ENTREP1: variants seen among roughly 807,000 people sequenced by gnomAD.
ENTREP1 encodes endosomal transmembrane epsin interactor 1, also known as Friedreich ataxia region gene X123.
chr9:69,371,671 G>A, the ENTREP1 span: 1 of 1,082,588 alleles, frequency 9.2e-7, no homozygotes, highest in Non-Finnish European at 1.4e-6. Context: ...GGTGTTCCTG[G>A]CGAGACTTGC....
the ENTREP1 span, among the ~76,000 whole-genome samples, chr9:69,356,026 T>G: frequency 1.3e-5 from 2 of 152,202 alleles, no homozygotes; most frequent in Admixed American, 1.3e-4. Context: ...AAGTGTACGT[T>G]TAGTGGCATT....
the ENTREP1 span, among the ~76,000 whole-genome samples, chr9:69,346,189 G>A: frequency 6.6e-6 from 1 of 151,974 alleles, no homozygotes; most frequent in Non-Finnish European, 1.5e-5. Context: ...CACCATGTTG[G>A]CCAGGCTGGT....
chr9:69,342,451 T>C, the ENTREP1 span, among the ~76,000 whole-genome samples: 2 of 152,222 alleles, frequency 1.3e-5, no homozygotes, highest in African/African-American at 2.4e-5. Context: ...AGAATATAAA[T>C]TAAATAAGCT....
At chr9:69,368,156 T>C in the ENTREP1 span, among the ~76,000 whole-genome samples, 1 of 152,054 alleles carries the variant, frequency 6.6e-6, no homozygotes, top group Non-Finnish European at 1.5e-5. Flanking sequence ...ACAATTTGAC[T>C]TCCTCTTCAC....
the ENTREP1 span, chr9:69,382,977 GATCA>G: frequency 2.1e-6 from 2 of 974,568 alleles, no homozygotes; most frequent in African/African-American, 3.5e-5. Context: ...TCATTATCTA[GATCA>G]TCTGGTACCT....
the ENTREP1 span, among the ~76,000 whole-genome samples, chr9:69,367,840 T>TATATATAAATATATACACAC: frequency 4.9e-5 from 4 of 82,276 alleles, no homozygotes; most frequent in Non-Finnish European, 8.2e-5. Context: ...TATATACACA[T>TATATATAAATATATACACAC]ATATATATAA....
the ENTREP1 span, among the ~76,000 whole-genome samples, chr9:69,336,006 A>G: frequency 1.1e-4 from 16 of 152,356 alleles, no homozygotes; most frequent in South Asian, 3.1e-3. Context: ...AAAATTAAAC[A>G]AAGTCAATAA....
chr9:69,377,866 T>G, the ENTREP1 span: 1 of 1,169,686 alleles, frequency 8.5e-7, no homozygotes, highest in Non-Finnish European at 1.2e-6. Context: ...GAAAAATTTT[T>G]CCTGACTTGA....
the ENTREP1 span, among the ~76,000 whole-genome samples, chr9:69,353,513 C>T: frequency 6.6e-6 from 1 of 152,190 alleles, no homozygotes; most frequent in Admixed American, 6.5e-5. Flanking sequence ...AAAGTTAAAA[C>T]GTTCTTCTGC....
chr9:69,344,688 C>T, the ENTREP1 span, among the ~76,000 whole-genome samples: 8 of 152,136 alleles, frequency 5.3e-5, no homozygotes, highest in African/African-American at 1.9e-4. Flanking sequence ...GAGCTCTAGC[C>T]CAGGACTCTG....
chr9:69,327,653 C>A, the ENTREP1 span, among the ~76,000 whole-genome samples: 1 of 107,786 alleles, frequency 9.3e-6, no homozygotes. Flanking sequence ...AGGCCTTCCA[C>A]CAGAAGGTGA....
the ENTREP1 span, among the ~76,000 whole-genome samples, chr9:69,368,001 G>A: frequency 6.7e-6 from 1 of 150,266 alleles, no homozygotes; most frequent in Admixed American, 6.7e-5. Flanking sequence ...CAATTCATTT[G>A]TTGTTGGTGT....
the ENTREP1 span, among the ~76,000 whole-genome samples, chr9:69,365,049 G>A: frequency 1.3e-5 from 2 of 152,114 alleles, no homozygotes; most frequent in African/African-American, 4.8e-5. Context: ...TCAGAATCCT[G>A]CCTTGACTGC....
the ENTREP1 span, among the ~76,000 whole-genome samples, chr9:69,351,502 C>T: frequency 1.1e-4 from 16 of 152,262 alleles, no homozygotes; most frequent in East Asian, 2.3e-3. Context: ...CTACAACCTC[C>T]ACCTCGCGGG....
chr9:69,377,493 G>A, the ENTREP1 span: 2 of 1,608,378 alleles, frequency 1.2e-6, no homozygotes, highest in South Asian at 1.1e-5. Context: ...TCTATGCAAG[G>A]GCATCATGGC....
At chr9:69,352,293 AT>A in the ENTREP1 span, among the ~76,000 whole-genome samples, 477 of 151,918 alleles carry the variant, frequency 3.1e-3, 10 homozygotes, top group East Asian at 0.036. Flanking sequence ...TGATTTTTGT[AT>A]TTTTAGTAGA....
chr9:69,371,865 TG>T, the ENTREP1 span, among the ~76,000 whole-genome samples: 2 of 152,330 alleles, frequency 1.3e-5, no homozygotes, highest in South Asian at 4.1e-4. Context: ...AGTTAGTGAA[TG>T]GATGGATCAG....
At chr9:69,389,474 T>C in the ENTREP1 span, among the ~76,000 whole-genome samples, 1 of 152,178 alleles carries the variant, frequency 6.6e-6, no homozygotes, top group Non-Finnish European at 1.5e-5. Context: ...AATGATCTGA[T>C]TACTTGCATG....
the ENTREP1 span, chr9:69,375,909 GC>G: frequency 6.3e-7 from 1 of 1,576,878 alleles, no homozygotes; most frequent in Non-Finnish European, 8.6e-7. Context: ...ACACCACGGA[GC>G]CCCCAAAGAA....
Sources: gnomAD v4.1 joint callset for allele counts (sites outside exome capture counted in the v4.1 genomes callset) on GRCh38, gnomAD v4.1.1 for gene constraint, MANE v1.5 for transcripts, NCBI Gene and HGNC (gene_info 2026-07-23, HGNC 2026-07-21) for gene names.